CRAT: variants seen among roughly 807,000 people sequenced by gnomAD.
CRAT encodes carnitine O-acetyltransferase.
A neutral mutation model predicts 73.7 loss-of-function variants in CRAT; 66 were observed. That is an observed-to-expected ratio of 0.90 (90% CI 0.73 to 1.10). CRAT has a LOEUF of 1.10. Among genes scored for constraint, CRAT ranks in the 50% least tolerant of loss-of-function variants. CRAT has a pLI of 0.00. For synonymous variants in CRAT, 321 were observed against 343.2 expected, an observed-to-expected ratio of 0.94 and a Z score of 0.71; for missense variants, 745 against 846.9, an observed-to-expected ratio of 0.88 and a Z score of 1.49.
intron 11 of CRAT, 43 bp downstream of exon 11, chr9:129,097,970 G>A: frequency 8.7e-6 from 14 of 1,600,208 alleles, no homozygotes; most frequent in Non-Finnish European, 1.2e-5. Context: ...CAGGAGGGAG[G>A]GGCTCAGGCC....
At chr9:129,101,141 T>C (rs1438825404) in intron 6 of CRAT, among the ~76,000 whole-genome samples, 1 of 152,212 alleles carries the variant, frequency 6.6e-6, no homozygotes, top group Non-Finnish European at 1.5e-5. Flanking sequence ...CCTAACTTGC[T>C]ATTTAGCTGA....
chr9:129,095,045 G>A lies in CRAT; in HGVS notation c.*352C>T, dbSNP rs1212484520. ...GTCATGGAGTTGGCAGGGAGTGGCCGGGGCTGAGCTGGTGAGACAAAGAGC... is the reference window on the plus strand; with the variant it reads ...GTCATGGAGTTGGCAGGGAGTGGCCAGGGCTGAGCTGGTGAGACAAAGAGC... On this transcript the variant is annotated 3_prime_UTR_variant, in exon 14 of 14. Transcript: ENST00000318080. 4 of 316,010 alleles carry A rather than the reference G, an allele frequency of 1.3e-5. No homozygotes were observed. Among genetic ancestry groups the A allele is most frequent in the South Asian group, 3.8e-5 (1 of 26,144 alleles). The allele number at this position is 316,010 out of a possible 1,614,324, so 19.6% of individuals were successfully genotyped here. A position where few individuals can be genotyped will look rare whatever the true frequency, so the allele number is the denominator to read the frequency against.
At chr9:129,096,286 C>T (rs1181870876) in intron 12 of CRAT, 151 bp from the exon 13 acceptor site, 55 of 1,025,462 alleles carry the variant, frequency 5.4e-5, no homozygotes, top group Non-Finnish European at 7.6e-5. Context: ...GCCTTCGTTT[C>T]ACAGATGGGG....
chr9:129,104,099 T>A, intron 3 of CRAT, 89 bp downstream of exon 3: 1 of 797,394 alleles, frequency 1.3e-6, no homozygotes, highest in Non-Finnish European at 2.0e-6. Context: ...GGCAGAAAGA[T>A]AAACAGGGTC....
Position 129,108,017 on chromosome 9 carries a change from C to A in CRAT, c.88G>T (p.Ala30Ser), listed in dbSNP as rs144265427. The A allele has an allele frequency of 6.4e-6, 10 of 1,568,348 alleles. No homozygotes were observed. In the African/African-American group the frequency reaches 1.1e-4, roughly 17 times the overall value. ...AGCCGTGGCAGTGCATCCTGGTGTG[C>A]CTTGAAGCGGCTGGAAGCCTTCATC... ...SLMKASSRFK[A>S]HQDALPRLPV... Residue 30 changes from alanine to serine, a missense_variant, in exon 2 of 14, where the codon GCA becomes TCA. Transcript: ENST00000318080.
At position 129,106,154 on chromosome 9, in the gene CRAT, G is replaced by C. The variant is rs1564169380; in HGVS notation, c.291+1660C>G. Among the ~76,000 whole-genome samples the C allele has an allele frequency of 6.6e-6, 1 of 152,122 alleles. No homozygotes were observed. The highest frequency in any genetic ancestry group is 1.5e-5 in the Non-Finnish European group (1 of 68,004). ...GGTGAGGGGGAGGCAACTTGGCAAGGGGTGAGGGGGAGGCAACTTGTCCCC... is the reference window on the plus strand; with the variant it reads ...GGTGAGGGGGAGGCAACTTGGCAAGCGGTGAGGGGGAGGCAACTTGTCCCC... On this transcript the variant is annotated intron_variant, in intron 2 of 13. Transcript: ENST00000318080. This position sits in a 1 kb window ranked among gnomAD's most constrained non-coding sequence, Gnocchi z 4.0.
intron 6 of CRAT, among the ~76,000 whole-genome samples, chr9:129,101,337 A>C (rs932292617): frequency 6.6e-6 from 1 of 152,174 alleles, no homozygotes; most frequent in African/African-American, 2.4e-5. Context: ...AATAGGGGAC[A>C]ATAAGTTGTG....
rs374143667 is a variant in CRAT at position 129,098,347 on chromosome 9, G to C, written c.1230C>G (p.Thr410=). ...LSIMIQDLDI[T]VMVFHHFGKD... is the part of the protein sequence containing the mutation. The stretch of plus-strand genomic sequence containing the variant: ...TTCCAAAATGGTGGAACACCATCAC[G>C]GTGATATCCAGGTCCTGGATCATGC... Residue 410 remains threonine (T), a synonymous_variant, in exon 10 of 14, where the codon ACC becomes ACG. Coordinates refer to ENST00000318080, the MANE Select transcript of CRAT (RefSeq NM_000755.5). 17 of 1,613,828 alleles carry C rather than the reference G, an allele frequency of 1.1e-5. No homozygotes were observed. In the African/African-American group the frequency reaches 2.1e-4, roughly 20 times the overall value.
At chr9:129,108,754 G>C in intron 1 of CRAT, 1 of 1,304,158 alleles carries the variant, frequency 7.7e-7, no homozygotes, top group Non-Finnish European at 1.0e-6. Flanking sequence ...CAGGAGCTCT[G>C]TTCCATACCT....
In CRAT at chr9:129,094,932, T is replaced by G. The variant is rs370450971; in HGVS notation, c.*465A>C. ...CACAGGAGCACAGCCGCAACGGAGG[T>G]GAAACCTCACACCCTGGCCCCTCGG... On this transcript the variant is annotated 3_prime_UTR_variant, in exon 14 of 14. Coordinates refer to ENST00000318080, the MANE Select transcript of CRAT (RefSeq NM_000755.5). 3 of 179,254 alleles carry G rather than the reference T, an allele frequency of 1.7e-5. No homozygotes were observed. Among genetic ancestry groups the G allele is most frequent in the East Asian group, 1.6e-4 (1 of 6,336 alleles). The allele number at this position is 179,254 out of a possible 1,614,324, so 11.1% of individuals were successfully genotyped here.
In CRAT at chr9:129,095,519, A is replaced by G; in HGVS notation, c.1759T>C (p.Phe587Leu). 6.2e-7 allele frequency: 1 copy of G among 1,613,530 alleles called. No homozygotes were observed. Among genetic ancestry groups the G allele is most frequent in the Non-Finnish European group, 8.5e-7 (1 of 1,179,994 alleles). ...CAGCTGTTGTAGGCCGACAGGGAGA[A>G]GTTGATGTGGGCCTCCATGGGGTTA... Reference protein sequence around the residue: ...CYNPMEAHINFSLSAYNSCAE... With the variant: ...CYNPMEAHINLSLSAYNSCAE... The change falls in exon 14 of 14, where the codon TTC becomes CTC. Residue 587 changes from phenylalanine to leucine, a missense_variant. By Grantham distance (22) the Phe-to-Leu change is conservative (BLOSUM62 0). Transcript: ENST00000318080.
rs1848187426 is a variant in CRAT at position 129,108,905 on chromosome 9, TG to T, written c.28-829del. ...GCCAGAGGCAGCCACTTGCCTGGGCTGGAAAGAGAAGACAAGAGCCAAGATT... is the reference window on the plus strand; with the variant it reads ...GCCAGAGGCAGCCACTTGCCTGGGCTGAAAGAGAAGACAAGAGCCAAGATT... On this transcript the variant is annotated intron_variant, in intron 1 of 13. Coordinates refer to ENST00000318080, the MANE Select transcript of CRAT (RefSeq NM_000755.5). 10 of 1,288,478 alleles carry T rather than the reference TG, an allele frequency of 7.8e-6. No individual in the cohort carries two copies. The South Asian group carries it at 1.3e-4, about 16-fold the overall frequency. 79.8% of individuals were successfully genotyped at this position (1,288,478 alleles called of 1,614,324 possible).
intron 8 of CRAT, 53 bp from the exon 9 acceptor site, chr9:129,098,703 C>G: frequency 1.9e-6 from 3 of 1,561,004 alleles, no homozygotes; most frequent in Non-Finnish European, 2.6e-6. Context: ...GAGCCTGGGT[C>G]CATTCTGGGA....
intron 13 of CRAT, 94 bp from the exon 14 acceptor site, chr9:129,095,706 C>A: frequency 7.6e-7 from 1 of 1,308,360 alleles, no homozygotes; most frequent in Non-Finnish European, 1.1e-6. Context: ...CTGCAGGCCC[C>A]TTGTGGGCAG....
rs1364700653 is a variant in CRAT, at chr9:129,107,986, A to T, written c.119T>A (p.Val40Glu). 6.2e-7 allele frequency: 1 copy of T among 1,600,220 alleles called. No homozygotes were observed. The highest frequency in any genetic ancestry group is 8.5e-7 in the Non-Finnish European group (1 of 1,175,086). ...GTCCAGGGACTGCTGGAGAGGGGGC[A>T]CGGGCAGCCGTGGCAGTGCATCCTG... Reference protein sequence around the residue: ...AHQDALPRLPVPPLQQSLDHY... With the variant: ...AHQDALPRLPEPPLQQSLDHY... The change falls in exon 2 of 14, where the codon GTG becomes GAG. Residue 40 changes from valine (V) to glutamate (E), a missense_variant. By Grantham distance (121) the Val-to-Glu change is moderately radical. Coordinates refer to ENST00000318080, the MANE Select transcript of CRAT (RefSeq NM_000755.5). The surrounding 1 kb of genome is among the most constrained non-coding windows in gnomAD (Gnocchi z 5.0).
intron 5 of CRAT, 43 bp downstream of exon 5, chr9:129,102,357 G>A (rs1209208775): frequency 3.1e-6 from 5 of 1,611,198 alleles, no homozygotes; most frequent in East Asian, 2.2e-5. Flanking sequence ...CTGTACTCCT[G>A]CAGCAGGGCC....
In CRAT at chr9:129,094,928, G is replaced by C. The variant is rs1847180984; in HGVS notation, c.*469C>G. ...TATCCACAGGAGCACAGCCGCAACG[G>C]AGGTGAAACCTCACACCCTGGCCCC... On this transcript the variant is annotated 3_prime_UTR_variant, in exon 14 of 14. Coordinates refer to ENST00000318080, the MANE Select transcript of CRAT (RefSeq NM_000755.5). 5.5e-6 allele frequency: 1 copy of C among 182,876 alleles called. No individual in the cohort carries two copies. Among genetic ancestry groups the C allele is most frequent in the Non-Finnish European group, 1.2e-5 (1 of 86,920 alleles). The allele number at this position is 182,876 out of a possible 1,614,324, so 11.3% of individuals were successfully genotyped here.
At chr9:129,104,942 C>G (rs2131480390) in intron 2 of CRAT, among the ~76,000 whole-genome samples, 1 of 130,786 alleles carries the variant, frequency 7.6e-6, no homozygotes, top group Middle Eastern at 5.4e-3. Context: ...GCTCTGTCCC[C>G]CACGCTGGAG....
chr9:129,108,374 A>G lies in CRAT; in HGVS notation c.28-297T>C, dbSNP rs1256556385. On this transcript the variant is annotated intron_variant, in intron 1 of 13. Transcript: ENST00000318080. ...GTGGCAGAGGTGAGGGGGACCGCCCACCTGTTGGGTTGCACAGGCCCCTCC... is the reference window on the plus strand; with the variant it reads ...GTGGCAGAGGTGAGGGGGACCGCCCGCCTGTTGGGTTGCACAGGCCCCTCC... The G allele has an allele frequency of 2.5e-6, 3 of 1,221,502 alleles. No individual in the cohort carries two copies. The African/African-American group carries it at 4.6e-5, about 19-fold the overall frequency. The allele number at this position is 1,221,502 out of a possible 1,614,324, so 75.7% of individuals were successfully genotyped here.
Sources: gnomAD v4.1 joint callset for allele counts (sites outside exome capture counted in the v4.1 genomes callset) on GRCh38, gnomAD v4.1.1 for gene constraint, Gnocchi (gnomAD v3.1) non-coding constraint, MANE v1.5 for transcripts, NCBI Gene and HGNC (gene_info 2026-07-23, HGNC 2026-07-21) for gene names.